Variants in MYO3B observed in about 807,000 individuals in gnomAD.
MYO3B encodes the protein myosin-IIIb.
A neutral mutation model predicts 174.6 loss-of-function variants in MYO3B; 156 were observed. That is an observed-to-expected ratio of 0.89 (90% CI 0.78 to 1.02). MYO3B has a LOEUF of 1.02. MYO3B is among the 50% of genes least tolerant of loss of function. The pLI, the probability that MYO3B is intolerant of heterozygous loss-of-function variation, is 0.00. For missense variants in MYO3B, 1,632 were observed against 1,639.4 expected (o/e 1.00, Z 0.08); for synonymous variants, 563 against 569.1 (o/e 0.99, Z 0.15).
intron 7 of MYO3B, among the ~76,000 whole-genome samples, chr2:170,260,142 G>A (rs1233100004): frequency 1.3e-5 from 2 of 152,172 alleles, no homozygotes; most frequent in Non-Finnish European, 2.9e-5. Context: ...GTTAAGCAGT[G>A]GAAAGCAGTT....
chr2:170,563,658 T>C (rs1397653159), intron 32 of MYO3B, among the ~76,000 whole-genome samples: 1 of 152,204 alleles, frequency 6.6e-6, no homozygotes, highest in Non-Finnish European at 1.5e-5. Flanking sequence ...ACAACTATTT[T>C]CCTCATATCA....
chr2:170,204,301 T>C (rs779131225), intron 3 of MYO3B, among the ~76,000 whole-genome samples: 3 of 152,216 alleles, frequency 2.0e-5, no homozygotes, highest in Admixed American at 6.5e-5. Flanking sequence ...ATGTTATCTG[T>C]AGAACCCAAC....
chr2:170,391,424 C>T, intron 14 of MYO3B, 96 bp from the exon 15 acceptor site: 1 of 570,906 alleles, frequency 1.8e-6, no homozygotes, highest in Non-Finnish European at 3.0e-6. Flanking sequence ...TACAAATTTG[C>T]CATGGAATAA....
intron 25 of MYO3B, among the ~76,000 whole-genome samples, chr2:170,497,099 C>T (rs1360375195): frequency 6.6e-6 from 1 of 152,172 alleles, no homozygotes; most frequent in East Asian, 1.9e-4. Flanking sequence ...TTCTCCTGCC[C>T]TTCTGCCCTG....
rs75398889 is a variant in MYO3B at position 170,383,910 on chromosome 2, C to T, written c.1290+96C>T. 1.2e-3 allele frequency: 1,250 copies of T among 1,019,498 alleles called. 7 individuals carry two copies. The African/African-American group carries it at 0.014, about 11-fold the overall frequency. The allele number at this position is 1,019,498 out of a possible 1,614,324, so 63.2% of individuals were successfully genotyped here. The stretch of plus-strand genomic sequence containing the variant: ...AAGTCTTCCTGAAACCTTTCCATTC[C>T]GGTTGCTGGTGCTGACCCAAAGAGA... On this transcript the variant is annotated intron_variant, in intron 12 of 34. Transcript: ENST00000408978.
intron 23 of MYO3B, among the ~76,000 whole-genome samples, chr2:170,451,867 G>A (rs566370001): frequency 6.6e-6 from 1 of 152,182 alleles, no homozygotes; most frequent in African/African-American, 2.4e-5. Flanking sequence ...CAAAATTAAG[G>A]GTCCCATTTT....
chr2:170,616,229 T>A (rs1695456501), intron 32 of MYO3B, among the ~76,000 whole-genome samples: 1 of 152,156 alleles, frequency 6.6e-6, no homozygotes, highest in African/African-American at 2.4e-5. Flanking sequence ...TGTGGCAAGA[T>A]GAGGGCGTTT....
intron 32 of MYO3B, among the ~76,000 whole-genome samples, chr2:170,562,939 T>G (rs1691811422): frequency 6.6e-6 from 1 of 151,950 alleles, no homozygotes; most frequent in African/African-American, 2.4e-5. Flanking sequence ...CCTATGGCCT[T>G]TCCTCAAATC....
chr2:170,180,521 A>G (rs979818927), intron 1 of MYO3B, among the ~76,000 whole-genome samples: 3 of 152,130 alleles, frequency 2.0e-5, no homozygotes, highest in African/African-American at 7.2e-5. Flanking sequence ...GGTTTCTGCT[A>G]TCCTCTGACT....
At chr2:170,377,466 T>C (rs2094302738) in intron 9 of MYO3B, among the ~76,000 whole-genome samples, 1 of 152,180 alleles carries the variant, frequency 6.6e-6, no homozygotes, top group African/African-American at 2.4e-5. Context: ...ATTCTTACGC[T>C]GCACTCATTT....
At chr2:170,353,437 C>T (rs2094093328) in intron 8 of MYO3B, among the ~76,000 whole-genome samples, 1 of 152,166 alleles carries the variant, frequency 6.6e-6, no homozygotes, top group Non-Finnish European at 1.5e-5. Context: ...GTGGAACCCA[C>T]AGGATTTTTC....
In MYO3B at chr2:170,543,886, C is replaced by T; in HGVS notation, c.3637-6C>T. The T allele has an allele frequency of 1.2e-6, 2 of 1,611,222 alleles. No homozygotes were observed. Among genetic ancestry groups the T allele is most frequent in the South Asian group, 1.1e-5 (1 of 90,926 alleles). ...ATAATATTTCTCTTACTGGGTTTTT[C>T]TGAAGCACTCGGTTTCTGGGACTGA... On this transcript the variant is annotated splice_polypyrimidine_tract_variant and splice_region_variant and intron_variant, in intron 31 of 34. Coordinates refer to ENST00000408978, the MANE Select transcript of MYO3B (RefSeq NM_138995.5).
intron 32 of MYO3B, among the ~76,000 whole-genome samples, chr2:170,639,348 G>T (rs539339351): frequency 6.6e-5 from 10 of 152,294 alleles, no homozygotes; most frequent in African/African-American, 2.4e-4. Context: ...CTGAGTTAAT[G>T]CTGTTTTCCC....
In MYO3B at chr2:170,404,310, T is replaced by C. The variant is rs6751520; in HGVS notation, c.2341T>C (p.Leu781=). 1,414,367 of 1,613,238 alleles carry C rather than the reference T, an allele frequency of 0.88. 623,014 individuals are homozygous for C. The highest frequency in any genetic ancestry group is 0.91 in the Middle Eastern group (5,520 of 6,058). The part of the protein sequence containing the change: ...PVEYEDNRPL[L]DMFLQKPLGL... ...GGAATATGAGGACAACCGCCCGCTCTTGGACATGTTCCTCCAGAAACCCCT... is the reference window on the plus strand; with the variant it reads ...GGAATATGAGGACAACCGCCCGCTCCTGGACATGTTCCTCCAGAAACCCCT... The change falls in exon 20 of 35, where the codon TTG becomes CTG. Residue 781 remains leucine, a synonymous_variant. Transcript: ENST00000408978.
At chr2:170,321,571 G>T (rs2093826618) in intron 7 of MYO3B, among the ~76,000 whole-genome samples, 1 of 152,150 alleles carries the variant, frequency 6.6e-6, no homozygotes, top group African/African-American at 2.4e-5. Flanking sequence ...ATATAATTTA[G>T]TGAAAAGAAG....
chr2:170,355,303 C>A (rs2094111883), intron 8 of MYO3B, among the ~76,000 whole-genome samples: 2 of 152,220 alleles, frequency 1.3e-5, no homozygotes, highest in African/African-American at 4.8e-5. Flanking sequence ...TTATGAAAAT[C>A]TGGCTTAGTT....
At chr2:170,545,724 G>A (rs1364911751) in intron 32 of MYO3B, among the ~76,000 whole-genome samples, 1 of 152,136 alleles carries the variant, frequency 6.6e-6, no homozygotes, top group Non-Finnish European at 1.5e-5. Flanking sequence ...TCTTTCTAGA[G>A]TTGTCTCTTC....
At chr2:170,617,341 A>G (rs1308362301) in intron 32 of MYO3B, among the ~76,000 whole-genome samples, 2 of 152,230 alleles carry the variant, frequency 1.3e-5, no homozygotes, top group African/African-American at 4.8e-5. Flanking sequence ...CTATTAAAAT[A>G]CTATGATATT....
chr2:170,392,604 T>C (rs1306046832), intron 16 of MYO3B, 109 bp downstream of exon 16: 1 of 647,248 alleles, frequency 1.5e-6, no homozygotes, highest in Admixed American at 3.4e-5. Flanking sequence ...AAATGCCATG[T>C]TGGTCATGTT....
Sources: allele counts gnomAD v4.1 joint callset (sites outside exome capture counted in the v4.1 genomes callset), GRCh38; gene constraint gnomAD v4.1.1; transcripts MANE v1.5; gene names NCBI Gene and HGNC (gene_info 2026-07-23, HGNC 2026-07-21).